ZEB1: variants seen among roughly 807,000 people sequenced by gnomAD.
The protein encoded by ZEB1 is zinc finger E-box binding homeobox 1.
ZEB1 carries 21 observed loss-of-function variants against 84.9 expected under a neutral mutation model. The observed-to-expected ratio is 0.25, with a 90% CI of 0.18 to 0.36. ZEB1 has a LOEUF of 0.36. Among genes scored for constraint, ZEB1 ranks in the 10% least tolerant of loss-of-function variants. ZEB1 has a pLI of 1.00. For missense variants in ZEB1, 1,104 were observed against 1,330.2 expected, an observed-to-expected ratio of 0.83 and a Z score of 2.65; for synonymous variants, 420 against 471.1, an observed-to-expected ratio of 0.89 and a Z score of 1.41.
At chr10:31,467,182 A>C (rs1025161389) in intron 2 of ZEB1, among the ~76,000 whole-genome samples, 2 of 152,104 alleles carry the variant, frequency 1.3e-5, no homozygotes, top group African/African-American at 4.8e-5. Context: ...CAACCTCTGA[A>C]ATTCTAGAGG....
At chr10:31,475,599 A>G (rs2064034562) in intron 2 of ZEB1, among the ~76,000 whole-genome samples, 1 of 152,218 alleles carries the variant, frequency 6.6e-6, no homozygotes, top group Admixed American at 6.5e-5. Context: ...TAGACATCTC[A>G]GCAGCAACCT....
chr10:31,513,493 AG>A (rs1210232218), intron 5 of ZEB1, among the ~76,000 whole-genome samples: 1 of 152,186 alleles, frequency 6.6e-6, no homozygotes, highest in Non-Finnish European at 1.5e-5. Flanking sequence ...AGAGGTTTAG[AG>A]ATACAAATGT....
rs1369268866 is a variant in ZEB1, at chr10:31,521,649, T to C, written c.2317T>C (p.Cys773Arg). ...CCAGGAAGAACCCTTGAACTTGTCT[T>C]GCGCAAAAAAGGAGCCACAAAAGGA... ...SVQEEPLNLS[C>R]AKKEPQKDSC... The change falls in exon 7 of 9, where the codon TGC becomes CGC. Residue 773 changes from cysteine to arginine, a missense_variant. By Grantham distance (180) the Cys-to-Arg change is radical. This residue lies in a region of ZEB1 where 531 missense variants were observed against 575.2 expected (regional missense o/e 0.92). Coordinates refer to ENST00000424869, the MANE Select transcript of ZEB1 (RefSeq NM_001174096.2). 1 of 1,613,952 alleles carries C rather than the reference T, an allele frequency of 6.2e-7. No individual in the cohort carries two copies. The highest frequency in any genetic ancestry group is 1.1e-5 in the South Asian group (1 of 91,088).
intron 1 of ZEB1, chr10:31,362,867 T>A: frequency 2.4e-6 from 3 of 1,244,004 alleles, no homozygotes; most frequent in Admixed American, 2.0e-5. Flanking sequence ...TGTCTTAGTC[T>A]CCTGAATTTT....
At chr10:31,497,125 G>A (rs780262091) in intron 3 of ZEB1, among the ~76,000 whole-genome samples, 2 of 151,866 alleles carry the variant, frequency 1.3e-5, no homozygotes, top group African/African-American at 4.8e-5. Flanking sequence ...TATTTAAGCT[G>A]GACATTTGTT....
intron 8 of ZEB1, among the ~76,000 whole-genome samples, chr10:31,525,670 T>G (rs555918877): frequency 6.6e-6 from 1 of 152,336 alleles, no homozygotes; most frequent in South Asian, 2.1e-4. Context: ...TTTCAGTGTA[T>G]TTTTTACTCT....
rs1018628081 is a variant in ZEB1 at position 31,382,014 on chromosome 10, A to G, written c.58+62722A>G. Among the ~76,000 whole-genome samples, 622 of 118,564 alleles carry G rather than the reference A, an allele frequency of 5.2e-3. 1 individual carries two copies. Among genetic ancestry groups the G allele is most frequent in the Non-Finnish European group, 6.3e-3 (415 of 66,176 alleles). 77.8% of individuals were successfully genotyped at this position (118,564 alleles called of 152,430 possible). A position where few individuals can be genotyped will look rare whatever the true frequency, so the allele number is the denominator to read the frequency against. On this transcript the variant is annotated intron_variant, in intron 1 of 8. Coordinates refer to ENST00000424869, the MANE Select transcript of ZEB1 (RefSeq NM_001174096.2). Reference sequence around the variant, plus strand: ...CGACAGTGAGACTGTCTCAAAAAAAAAAAAAAAAAAAAAAAAAAAACAAAG... The same window carrying G: ...CGACAGTGAGACTGTCTCAAAAAAAGAAAAAAAAAAAAAAAAAAAACAAAG...
chr10:31,344,730 T>C (rs2039997248), intron 1 of ZEB1, among the ~76,000 whole-genome samples: 1 of 152,220 alleles, frequency 6.6e-6, no homozygotes, highest in South Asian at 2.1e-4. Context: ...AAAAGATCCT[T>C]ACCTCCTTTT....
intron 1 of ZEB1, among the ~76,000 whole-genome samples, chr10:31,334,313 T>C (rs1298942467): frequency 1.3e-5 from 2 of 152,122 alleles, no homozygotes; most frequent in Non-Finnish European, 2.9e-5. Context: ...CATTACACTT[T>C]CTGTTTACAA....
At chr10:31,495,718 G>T in intron 2 of ZEB1, 58 bp from the exon 3 acceptor site, 1 of 1,585,422 alleles carries the variant, frequency 6.3e-7, no homozygotes, top group South Asian at 1.1e-5. Flanking sequence ...TTAAACATTT[G>T]TCTTTCGTTT....
At chr10:31,478,742 G>T (rs1347460390) in intron 2 of ZEB1, among the ~76,000 whole-genome samples, 2 of 151,828 alleles carry the variant, frequency 1.3e-5, no homozygotes, top group African/African-American at 4.8e-5. Context: ...TATACTAAGT[G>T]AAATAACTCA....
At chr10:31,406,380 G>A (rs1168396475) in intron 1 of ZEB1, among the ~76,000 whole-genome samples, 2 of 151,364 alleles carry the variant, frequency 1.3e-5, no homozygotes, top group Admixed American at 6.6e-5. Flanking sequence ...TTTAATGATC[G>A]CCATTCTAAC....
At chr10:31,423,162 A>G (rs1477176962) in intron 1 of ZEB1, among the ~76,000 whole-genome samples, 1 of 152,080 alleles carries the variant, frequency 6.6e-6, no homozygotes, top group East Asian at 1.9e-4. Context: ...AGTGCTTCAT[A>G]TGGATACAAT....
At chr10:31,470,501 A>G (rs220046) in intron 2 of ZEB1, among the ~76,000 whole-genome samples, 2,549 of 143,856 alleles carry the variant, frequency 0.018, 2 homozygotes, top group Non-Finnish European at 0.023. Flanking sequence ...AGCGAGAAGG[A>G]AAGTTTAGAG....
intron 2 of ZEB1, among the ~76,000 whole-genome samples, chr10:31,475,167 A>T (rs919506781): frequency 6.6e-6 from 1 of 152,114 alleles, no homozygotes; most frequent in Non-Finnish European, 1.5e-5. Flanking sequence ...ATATGTAACT[A>T]ACCTGCACAA....
intron 1 of ZEB1, among the ~76,000 whole-genome samples, chr10:31,435,573 T>G (rs955209091): frequency 4.0e-5 from 6 of 151,572 alleles, no homozygotes; most frequent in Non-Finnish European, 7.4e-5. Context: ...GACACTGGAG[T>G]GGAAAAGAAA....
At chr10:31,352,815 C>T (rs2041528431) in intron 1 of ZEB1, among the ~76,000 whole-genome samples, 1 of 152,160 alleles carries the variant, frequency 6.6e-6, no homozygotes, top group South Asian at 2.1e-4. Flanking sequence ...TACTTCTGCC[C>T]ATTCTGTTGA....
intron 1 of ZEB1, among the ~76,000 whole-genome samples, chr10:31,401,997 TA>T (rs2052116720): frequency 6.6e-6 from 1 of 151,928 alleles, no homozygotes; most frequent in Non-Finnish European, 1.5e-5. Flanking sequence ...AAAAAAACCC[TA>T]AAACCTGCAA....
At chr10:31,449,644 C>G (rs1269719357) in intron 1 of ZEB1, among the ~76,000 whole-genome samples, 2 of 152,084 alleles carry the variant, frequency 1.3e-5, no homozygotes, top group Non-Finnish European at 2.9e-5. Context: ...ATATTCAAGT[C>G]CATTGATTGC....
Sources: allele counts gnomAD v4.1 joint callset (sites outside exome capture counted in the v4.1 genomes callset), GRCh38; gene constraint gnomAD v4.1.1; regional missense constraint gnomAD v4.1.1; transcripts MANE v1.5; gene names NCBI Gene and HGNC (gene_info 2026-07-23, HGNC 2026-07-21).